Variants in MMP16 observed in about 807,000 individuals in gnomAD.
MMP16 encodes matrix metallopeptidase 16, also known as matrix metalloproteinase-16.
MMP16 carries 12 observed loss-of-function variants against 67.8 expected under a neutral mutation model. That is an observed-to-expected ratio of 0.18 (90% confidence interval 0.11 to 0.29). MMP16 has a LOEUF of 0.29. Ranked by LOEUF, MMP16 falls within the 10% of genes least tolerant of loss-of-function variation. MMP16 has a pLI of 1.00. For missense variants in MMP16, 475 were observed against 765.7 expected (o/e 0.62, Z 4.48); for synonymous variants, 249 against 255.9 (o/e 0.97, Z 0.26).
At chr8:88,062,615 C>G (rs1808414023) in intron 7 of MMP16, among the ~76,000 whole-genome samples, 1 of 151,274 alleles carries the variant, frequency 6.6e-6, no homozygotes, top group African/African-American at 2.4e-5. Context: ...AATGAGAACA[C>G]TTGGACACAG....
intron 1 of MMP16, among the ~76,000 whole-genome samples, chr8:88,237,729 T>G (rs1186376649): frequency 6.6e-6 from 1 of 152,078 alleles, no homozygotes; most frequent in Non-Finnish European, 1.5e-5. Context: ...AGCAAAGTAT[T>G]TGTGAAAGAG....
intron 3 of MMP16, among the ~76,000 whole-genome samples, chr8:88,185,049 G>C (rs1809052291): frequency 1.3e-5 from 2 of 152,150 alleles, no homozygotes; most frequent in South Asian, 4.1e-4. Flanking sequence ...TTGGCCTAAA[G>C]CTGCTTCATC....
chr8:88,266,623 T>C (rs1468084366), intron 1 of MMP16, among the ~76,000 whole-genome samples: 2 of 152,158 alleles, frequency 1.3e-5, no homozygotes, highest in Non-Finnish European at 2.9e-5. Flanking sequence ...AAATGGGCAT[T>C]TCATAATTTT....
chr8:88,322,942 A>T (rs1051654478), intron 1 of MMP16, among the ~76,000 whole-genome samples: 6 of 152,174 alleles, frequency 3.9e-5, no homozygotes, highest in African/African-American at 1.4e-4. Flanking sequence ...TCTCCTTATC[A>T]TAGCTTTGGG....
chr8:88,105,393 A>G lies in MMP16; in HGVS notation c.1083+11114T>C, dbSNP rs573808726. 2.6e-5 allele frequency among the ~76,000 whole-genome samples: 4 copies of G among 151,672 alleles called. No homozygotes were observed. In the South Asian group the frequency reaches 6.2e-4, roughly 24 times the overall value. On this transcript the variant is annotated intron_variant, in intron 6 of 9. Transcript: ENST00000286614. ...CATTCTCCTGTTTGTTGTAACGCATAGTATTGCTGTAGTTTAAATTCAAAA... is the reference window on the plus strand; with the variant it reads ...CATTCTCCTGTTTGTTGTAACGCATGGTATTGCTGTAGTTTAAATTCAAAA...
intron 3 of MMP16, among the ~76,000 whole-genome samples, chr8:88,174,133 A>C (rs1808847549): frequency 6.6e-6 from 1 of 152,212 alleles, no homozygotes; most frequent in Admixed American, 6.5e-5. Flanking sequence ...GTTGTAACGG[A>C]GTCATTCATT....
chr8:88,313,389 C>A (rs1301080829), intron 1 of MMP16, among the ~76,000 whole-genome samples: 1 of 152,146 alleles, frequency 6.6e-6, no homozygotes, highest in Non-Finnish European at 1.5e-5. Context: ...GGATGCTTCT[C>A]CACTATCTTT....
chr8:88,305,309 C>T (rs549225899), intron 1 of MMP16, among the ~76,000 whole-genome samples: 8 of 152,258 alleles, frequency 5.3e-5, no homozygotes, highest in African/African-American at 1.9e-4. Context: ...TGTTTAGGGA[C>T]CTACAAAGAG....
intron 4 of MMP16, among the ~76,000 whole-genome samples, chr8:88,122,449 T>G (rs1444929243): frequency 6.6e-6 from 1 of 152,000 alleles, no homozygotes. Context: ...ATACCATAAT[T>G]GCCCTGAAAA....
chr8:88,173,950 A>G (rs1808844984), intron 3 of MMP16, among the ~76,000 whole-genome samples: 1 of 152,174 alleles, frequency 6.6e-6, no homozygotes, highest in African/African-American at 2.4e-5. Flanking sequence ...TATTCTCTGG[A>G]AACACAAGTT....
chr8:88,258,689 G>A (rs953655052), intron 1 of MMP16, among the ~76,000 whole-genome samples: 1 of 152,144 alleles, frequency 6.6e-6, no homozygotes, highest in Non-Finnish European at 1.5e-5. Flanking sequence ...GAGAGCTTAC[G>A]ACTCAGAAAA....
chr8:88,295,969 G>C (rs1044025546), intron 1 of MMP16, among the ~76,000 whole-genome samples: 3 of 152,110 alleles, frequency 2.0e-5, no homozygotes, highest in Non-Finnish European at 4.4e-5. Context: ...TAAAAGCTTA[G>C]ATATAATACT....
intron 1 of MMP16, among the ~76,000 whole-genome samples, chr8:88,295,339 G>A (rs569445565): frequency 6.6e-6 from 1 of 152,280 alleles, no homozygotes; most frequent in South Asian, 2.1e-4. Flanking sequence ...GAATGTAGGT[G>A]CCCTAAACAC....
In MMP16 at chr8:88,224,251, A is replaced by G. The variant is rs143142573; in HGVS notation, c.133-26945T>C. Among the ~76,000 whole-genome samples, 727 of 152,182 alleles carry G rather than the reference A, an allele frequency of 4.8e-3. 5 individuals carry two copies. The highest frequency in any genetic ancestry group is 0.017 in the African/African-American group (690 of 41,540). On this transcript the variant is annotated intron_variant, in intron 1 of 9. Coordinates refer to ENST00000286614, the MANE Select transcript of MMP16 (RefSeq NM_005941.5). ...AACGTTAGGCTATAAACAAAGTTCCAGTTTAATCTTAATACCTCTTTAAGA... is the reference window on the plus strand; with the variant it reads ...AACGTTAGGCTATAAACAAAGTTCCGGTTTAATCTTAATACCTCTTTAAGA...
At chr8:88,157,665 T>C (rs1808533784) in intron 4 of MMP16, among the ~76,000 whole-genome samples, 2 of 152,016 alleles carry the variant, frequency 1.3e-5, no homozygotes, top group Admixed American at 1.3e-4. Context: ...TTCATCTGCT[T>C]CATTTTATTT....
intron 1 of MMP16, among the ~76,000 whole-genome samples, chr8:88,304,494 A>C (rs35267712): frequency 0.12 from 18,528 of 152,146 alleles, 1,243 homozygotes; most frequent in Non-Finnish European, 0.14. Context: ...ACACATAATC[A>C]TCAGATTCTC....
At chr8:88,069,271 T>C (rs1057083401) in intron 7 of MMP16, 10 of 339,712 alleles carry the variant, frequency 2.9e-5, no homozygotes, top group African/African-American at 2.2e-4. Flanking sequence ...GTAGAGGTCA[T>C]GCACATTTTT....
At chr8:88,167,474 C>A (rs1168021976) in intron 4 of MMP16, among the ~76,000 whole-genome samples, 195 bp downstream of exon 4, 1 of 152,064 alleles carries the variant, frequency 6.6e-6, no homozygotes, top group Non-Finnish European at 1.5e-5. Flanking sequence ...ATCAAAGGAA[C>A]ACATATATAA....
chr8:88,124,012 C>T (rs1226305472), intron 4 of MMP16, among the ~76,000 whole-genome samples: 2 of 151,918 alleles, frequency 1.3e-5, no homozygotes, highest in African/African-American at 4.8e-5. Flanking sequence ...TTGAGTCAGA[C>T]ATAGTTTGAC....
Sources: allele counts gnomAD v4.1 joint callset (sites outside exome capture counted in the v4.1 genomes callset), GRCh38; gene constraint gnomAD v4.1.1; transcripts MANE v1.5; gene names NCBI Gene and HGNC (gene_info 2026-07-23, HGNC 2026-07-21).